The following PLOD1 variants were observed in gnomAD, a reference collection of about 807,000 sequenced individuals.
PLOD1 encodes lysine hydroxylase.
Under a neutral mutation model 94.7 loss-of-function variants are expected in PLOD1, and 70 were observed. That is an observed-to-expected ratio of 0.74 (90% CI 0.61 to 0.90). The LOEUF is 0.90. PLOD1 is among the 40% of genes least tolerant of loss of function. The pLI is 0.00. For missense variants in PLOD1, 905 were observed against 972.7 expected (o/e 0.93, Z 0.93); for synonymous variants, 417 against 400.2 (o/e 1.04, Z -0.50).
At chr1:11,935,304 C>G (rs1645570458) in intron 1 of PLOD1, among the ~76,000 whole-genome samples, 1 of 152,034 alleles carries the variant, frequency 6.6e-6, no homozygotes, top group South Asian at 2.1e-4. Context: ...TTTACCCCAC[C>G]CACCCAGGTG....
At chr1:11,955,030 A>G (rs1645728940) in intron 6 of PLOD1, 137 bp downstream of exon 6, 3 of 682,834 alleles carry the variant, frequency 4.4e-6, no homozygotes, top group Admixed American at 4.8e-5. Context: ...CCTCATCCCC[A>G]GGTCCCCAGG....
chr1:11,960,613 C>T (rs746959665), intron 9 of PLOD1, 33 bp from the exon 10 acceptor site: 13 of 1,434,342 alleles, frequency 9.1e-6, no homozygotes, highest in Non-Finnish European at 1.2e-5. Flanking sequence ...CTCCTCCTCA[C>T]CCCCGCATCC....
chr1:11,952,819 A>T (rs1645712863), intron 5 of PLOD1, 84 bp downstream of exon 5: 1 of 975,434 alleles, frequency 1.0e-6, no homozygotes, highest in African/African-American at 1.6e-5. Context: ...TCAGGCCTGA[A>T]CCCCTGGGTT....
chr1:11,962,749 A>G (rs1645787789), intron 10 of PLOD1, among the ~76,000 whole-genome samples: 1 of 151,926 alleles, frequency 6.6e-6, no homozygotes, highest in South Asian at 2.1e-4. Flanking sequence ...ATCTCTAAAA[A>G]AGGAAAAAAG....
In PLOD1 at chr1:11,973,654, A is replaced by G. The variant is rs891480963; in HGVS notation, c.2028+657A>G. 2.0e-5 allele frequency among the ~76,000 whole-genome samples: 3 copies of G among 150,782 alleles called. No individual in the cohort carries two copies. In the East Asian group the frequency reaches 5.9e-4, roughly 30 times the overall value. ...GAGTGTAGTGGCATGATCACAGTTC[A>G]CTGCAGCCTCAACCTCCTGGGCCCA... On this transcript the variant is annotated intron_variant, in intron 18 of 18. Transcript: ENST00000196061.
intron 16 of PLOD1, 48 bp from the exon 17 acceptor site, chr1:11,970,622 G>A (rs1645854751): frequency 1.3e-6 from 2 of 1,594,366 alleles, no homozygotes; most frequent in Non-Finnish European, 1.7e-6. Context: ...ACAGAGCCTG[G>A]GGGCCATCCT....
At chr1:11,950,331 C>T in intron 3 of PLOD1, 26 bp from the exon 4 acceptor site, 1 of 1,613,310 alleles carries the variant, frequency 6.2e-7, no homozygotes, top group South Asian at 1.1e-5. Context: ...TTGCCCTGCT[C>T]CGTCTTCTCG....
chr1:11,938,195 C>T (rs1645592958), intron 1 of PLOD1, among the ~76,000 whole-genome samples: 1 of 152,016 alleles, frequency 6.6e-6, no homozygotes, highest in South Asian at 2.1e-4. Flanking sequence ...AAGCGATTTG[C>T]CCACCTTGGC....
At chr1:11,953,802 A>G (rs1357191501) in intron 5 of PLOD1, among the ~76,000 whole-genome samples, 2 of 151,918 alleles carry the variant, frequency 1.3e-5, no homozygotes, top group African/African-American at 4.8e-5. Flanking sequence ...CAAAAAAAAA[A>G]GCAATAATGA....
chr1:11,966,557 T>G, intron 15 of PLOD1: 1 of 557,346 alleles, frequency 1.8e-6, no homozygotes, highest in East Asian at 3.3e-5. Flanking sequence ...CCCCTCTACC[T>G]GTTGGCACTT....
chr1:11,952,188 A>T (rs1209314598), intron 4 of PLOD1, among the ~76,000 whole-genome samples: 1 of 152,276 alleles, frequency 6.6e-6, no homozygotes, highest in African/African-American at 2.4e-5. Context: ...GGGCTTCCCC[A>T]CTATGCCAGG....
Position 11,967,074 on chromosome 1 carries a change from T to G in PLOD1, c.1738T>G (p.Ser580Ala), listed in dbSNP as rs753853201. ...GGAGATGGAGCACTTTGGCCAGTGG[T>G]CTCTGGGCAACAACAAGGTGGGACC... is the stretch of plus-strand genomic sequence containing the variant. ...VEEMEHFGQW[S>A]LGNNKDNRIQ... The change falls in exon 16 of 19, where the codon TCT becomes GCT. Residue 580 changes from serine (S) to alanine (A), a missense_variant. By Grantham distance (99) the Ser-to-Ala change is moderately conservative. Transcript: ENST00000196061. 6.2e-7 allele frequency: 1 copy of G among 1,610,830 alleles called. No homozygotes were observed.
intron 9 of PLOD1, among the ~76,000 whole-genome samples, chr1:11,959,250 G>T (rs552212915): frequency 6.6e-6 from 1 of 151,570 alleles, no homozygotes; most frequent in South Asian, 2.1e-4. Flanking sequence ...ATAAAATAGG[G>T]ATAATAATTG....
In PLOD1 at chr1:11,964,716, G is replaced by A. The variant is rs2100758313; in HGVS notation, c.1401G>A (p.Gln467=). 2 of 1,613,558 alleles carry A rather than the reference G, an allele frequency of 1.2e-6. No homozygotes were observed. Among genetic ancestry groups the A allele is most frequent in the South Asian group, 1.1e-5 (1 of 91,082 alleles). The change falls in exon 13 of 19, where the codon CAG becomes CAA. Residue 467 remains glutamine, a synonymous_variant. Coordinates refer to ENST00000196061, the MANE Select transcript of PLOD1 (RefSeq NM_000302.4). ...IKGSALRGEL[Q]SSDLFHHSKL... The stretch of plus-strand genomic sequence containing the variant: ...GCAGTGCCCTGCGGGGTGAGCTGCA[G>A]TCCTCAGATCTCTTCCACCACAGCA...
Position 11,950,340 on chromosome 1 carries a change from C to G in PLOD1, c.303-17C>G. On this transcript the variant is annotated splice_polypyrimidine_tract_variant and intron_variant, in intron 3 of 18. Transcript: ENST00000196061. ...TCACCCTTGCCCTGCTCCGTCTTCT[C>G]GCTGCTCTGGCCACAGCTATGACGT... 6.8e-6 allele frequency: 11 copies of G among 1,613,670 alleles called. No individual in the cohort carries two copies. The highest frequency in any genetic ancestry group is 9.3e-6 in the Non-Finnish European group (11 of 1,179,754).
chr1:11,961,877 G>T (rs929474471), intron 10 of PLOD1, among the ~76,000 whole-genome samples: 1 of 152,066 alleles, frequency 6.6e-6, no homozygotes, highest in South Asian at 2.1e-4. Flanking sequence ...CAACCTCCCC[G>T]TCCCAGGTTC....
rs757078518 is a variant in PLOD1 at position 11,974,655 on chromosome 1, C to T, written c.2031C>T (p.Gly677=). The change falls in exon 19 of 19, where the codon GGC becomes GGT. Residue 677 remains glycine (G), a splice_region_variant and synonymous_variant. Coordinates refer to ENST00000196061, the MANE Select transcript of PLOD1 (RefSeq NM_000302.4). ...CACTGATGCTTTCTGTCTCCCAGGGCGGGGGCTGTCGGTTCCTGCGCTACA... is the reference window on the plus strand; with the variant it reads ...CACTGATGCTTTCTGTCTCCCAGGGTGGGGGCTGTCGGTTCCTGCGCTACA... ...ALNRVGVDYE[G]GGCRFLRYNC... is the part of the protein sequence containing the mutation. 39 of 1,612,848 alleles carry T rather than the reference C, an allele frequency of 2.4e-5. No individual in the cohort carries two copies. Among genetic ancestry groups the T allele is most frequent in the Middle Eastern group, 1.6e-4 (1 of 6,082 alleles).
rs200630985 is a variant in PLOD1 at position 11,953,140 on chromosome 1, C to A, written c.579+405C>A. 7.9e-3 allele frequency among the ~76,000 whole-genome samples: 1,206 copies of A among 152,230 alleles called. 124 individuals are homozygous for A. The East Asian group carries it at 0.22, about 28-fold the overall frequency. On this transcript the variant is annotated intron_variant, in intron 5 of 18. Transcript: ENST00000196061. ...GTGCGATCTCGGCTCACTACAGCCT[C>A]TACCTCCCTGGTTCAAGCGATTCTC...
chr1:11,943,304 T>TTTC (rs1557482930), intron 1 of PLOD1, among the ~76,000 whole-genome samples: 3 of 105,904 alleles, frequency 2.8e-5, no homozygotes, highest in African/African-American at 2.0e-4. Flanking sequence ...TTCTTTCTTT[T>TTTC]TTTTTTTTTG....
Sources: gnomAD v4.1 joint callset for allele counts (sites outside exome capture counted in the v4.1 genomes callset) on GRCh38, gnomAD v4.1.1 for gene constraint, MANE v1.5 for transcripts, NCBI Gene and HGNC (gene_info 2026-07-23, HGNC 2026-07-21) for gene names.